The following REEP1 variants were observed in gnomAD, a reference collection of about 807,000 sequenced individuals.
REEP1 encodes the protein receptor expression-enhancing protein 1.
A neutral mutation model predicts 40.3 loss-of-function variants in REEP1; 22 were observed. The ratio of observed to expected loss-of-function variants is 0.55; its 90% CI spans 0.39 to 0.78. The LOEUF (loss-of-function observed/expected upper bound fraction) is 0.78. Among genes scored for constraint, REEP1 ranks in the 30% least tolerant of loss-of-function variants. REEP1 has a pLI of 0.00. For synonymous variants in REEP1, 116 were observed against 139.2 expected, an observed-to-expected ratio of 0.83 and a Z score of 1.17; for missense variants, 280 against 361.1, an observed-to-expected ratio of 0.78 and a Z score of 1.82.
chr2:86,267,040 C>G (rs1193138086), intron 2 of REEP1, among the ~76,000 whole-genome samples: 1 of 151,220 alleles, frequency 6.6e-6, no homozygotes, highest in Non-Finnish European at 1.5e-5. Flanking sequence ...AACAACCAAA[C>G]TAAAAAATTT....
At chr2:86,260,440 A>G (rs1471335781) in intron 3 of REEP1, among the ~76,000 whole-genome samples, 1 of 152,218 alleles carries the variant, frequency 6.6e-6, no homozygotes, top group Non-Finnish European at 1.5e-5. Flanking sequence ...CCAGGCATCA[A>G]ACATCCCCCT....
chr2:86,333,261 A>G (rs963776372), intron 1 of REEP1, among the ~76,000 whole-genome samples: 1 of 152,198 alleles, frequency 6.6e-6, no homozygotes, highest in Non-Finnish European at 1.5e-5. Context: ...CAGTTGGGGA[A>G]CATCTTGAGG....
Position 86,218,914 on chromosome 2 carries a change from T to C in REEP1, c.783+1056A>G, listed in dbSNP as rs115354747. Among the ~76,000 whole-genome samples the C allele has an allele frequency of 3.8e-3, 585 of 152,284 alleles. 4 individuals carry two copies. Among genetic ancestry groups the C allele is most frequent in the African/African-American group, 0.013 (534 of 41,548 alleles). ...TCTCCCCATATAAGTCTCACAAGGG[T>C]CTGTACGGAGACTTCCTATTTGCTT... On this transcript the variant is annotated intron_variant, in intron 8 of 8. Coordinates refer to ENST00000538924, the MANE Select transcript of REEP1 (RefSeq NM_001371279.1).
chr2:86,232,587 C>A, intron 6 of REEP1, 38 bp downstream of exon 6: 1 of 1,607,686 alleles, frequency 6.2e-7, no homozygotes, highest in Non-Finnish European at 8.5e-7. Context: ...AAGCGAGGCC[C>A]AAGGAGTGGG....
At chr2:86,267,547 TGTCACACACCTGTA>T (rs997307033) in intron 2 of REEP1, among the ~76,000 whole-genome samples, 2 of 151,564 alleles carry the variant, frequency 1.3e-5, no homozygotes, top group African/African-American at 4.9e-5. Flanking sequence ...CCAGGCATGG[TGTCACACACCTGTA>T]GTCCTAGCTA....
chr2:86,318,977 C>T (rs1336610394), intron 1 of REEP1, among the ~76,000 whole-genome samples: 1 of 152,014 alleles, frequency 6.6e-6, no homozygotes, highest in South Asian at 2.1e-4. Context: ...CATTGATATT[C>T]GATATCAGTG....
At chr2:86,335,403 TC>T in intron 1 of REEP1, among the ~76,000 whole-genome samples, 1 of 152,272 alleles carries the variant, frequency 6.6e-6, no homozygotes, top group East Asian at 1.9e-4. Flanking sequence ...CCAAATCCCA[TC>T]AACTCTCCTT....
intron 6 of REEP1, among the ~76,000 whole-genome samples, chr2:86,229,047 A>T (rs1674872942): frequency 6.6e-6 from 1 of 152,182 alleles, no homozygotes; most frequent in Non-Finnish European, 1.5e-5. Context: ...GAATTCCACG[A>T]GGTGCAGCTC....
intron 1 of REEP1, among the ~76,000 whole-genome samples, chr2:86,331,247 C>A (rs1177966658): frequency 6.6e-6 from 1 of 152,198 alleles, no homozygotes; most frequent in Non-Finnish European, 1.5e-5. Context: ...AATCAAGAAA[C>A]CCTGGGGAAG....
chr2:86,248,298 T>C (rs977696475), intron 5 of REEP1, among the ~76,000 whole-genome samples: 1 of 152,194 alleles, frequency 6.6e-6, no homozygotes, highest in African/African-American at 2.4e-5. Context: ...GAGTGAGAAC[T>C]GATTTGTAAG....
rs529591524 is a variant in REEP1 at position 86,286,221 on chromosome 2, G to A, written c.33-3979C>T. ...GCATCGAGAAGGGAGCATGAGCCTC[G>A]TGTGAATACTACACTCTGATGCAGT... is the stretch of plus-strand genomic sequence containing the variant. On this transcript the variant is annotated intron_variant, in intron 1 of 8. Transcript: ENST00000538924. Among the ~76,000 whole-genome samples the A allele has an allele frequency of 1.9e-4, 29 of 152,262 alleles. No individual in the cohort carries two copies. The South Asian group carries it at 4.6e-3, about 24-fold the overall frequency.
At chr2:86,245,985 CG>C (rs1675930867) in intron 5 of REEP1, among the ~76,000 whole-genome samples, 1 of 152,028 alleles carries the variant, frequency 6.6e-6, no homozygotes, top group African/African-American at 2.4e-5. Flanking sequence ...AGGATGGTCT[CG>C]ATCTCCTGAC....
intron 5 of REEP1, among the ~76,000 whole-genome samples, chr2:86,236,998 T>G (rs1259345304): frequency 1.3e-5 from 2 of 152,220 alleles, no homozygotes; most frequent in East Asian, 3.8e-4. Flanking sequence ...CCTCCCAAAG[T>G]GCTGGGATTA....
chr2:86,327,455 G>A (rs769919383), intron 1 of REEP1, among the ~76,000 whole-genome samples: 35 of 152,118 alleles, frequency 2.3e-4, no homozygotes, highest in Non-Finnish European at 4.1e-4. Flanking sequence ...AGGTCAGAGC[G>A]TGGGCAGGAG....
At chr2:86,269,266 T>C (rs2104333210) in intron 2 of REEP1, among the ~76,000 whole-genome samples, 1 of 152,340 alleles carries the variant, frequency 6.6e-6, no homozygotes, top group East Asian at 1.9e-4. Context: ...TCTAGGCTCA[T>C]AATAAAGTCA....
At position 86,224,589 on chromosome 2, in the gene REEP1, C is replaced by T. The variant is rs967376787; in HGVS notation, c.631+2774G>A. Reference sequence around the variant, plus strand: ...AGGTATTAAGAGGCCCTTGGAGAGGCGGAGGTCCAAGAAAGGAAGGGCTAG... The same window carrying T: ...AGGTATTAAGAGGCCCTTGGAGAGGTGGAGGTCCAAGAAAGGAAGGGCTAG... On this transcript the variant is annotated intron_variant, in intron 7 of 8. Coordinates refer to ENST00000538924, the MANE Select transcript of REEP1 (RefSeq NM_001371279.1). 2.6e-5 allele frequency among the ~76,000 whole-genome samples: 4 copies of T among 152,248 alleles called. 1 individual carries two copies. The South Asian group carries it at 6.2e-4, about 24-fold the overall frequency.
chr2:86,283,134 A>G (rs969544836), intron 1 of REEP1, among the ~76,000 whole-genome samples: 3 of 152,128 alleles, frequency 2.0e-5, no homozygotes, highest in African/African-American at 7.2e-5. Flanking sequence ...ACCTATTATC[A>G]GGGTGTTCTT....
At chr2:86,335,906 T>C (rs1433043698) in intron 1 of REEP1, among the ~76,000 whole-genome samples, 2 of 140,266 alleles carry the variant, frequency 1.4e-5, no homozygotes, top group African/African-American at 5.1e-5. Context: ...AAACTAATGA[T>C]AGTCACATGA....
chr2:86,298,705 C>T (rs935017840), intron 1 of REEP1, among the ~76,000 whole-genome samples: 9 of 152,342 alleles, frequency 5.9e-5, no homozygotes, highest in African/African-American at 1.4e-4. Flanking sequence ...ACTCAAACAA[C>T]GGTGCGCAGA....
Sources: allele counts gnomAD v4.1 joint callset (sites outside exome capture counted in the v4.1 genomes callset), GRCh38; gene constraint gnomAD v4.1.1; transcripts MANE v1.5; gene names NCBI Gene and HGNC (gene_info 2026-07-23, HGNC 2026-07-21).